The following EYA2 variants were observed in gnomAD, a reference collection of about 807,000 sequenced individuals.
The protein encoded by EYA2 is protein phosphatase EYA2.
EYA2 carries 31 observed loss-of-function variants against 69.2 expected under a neutral mutation model. The observed-to-expected ratio is 0.45, with a 90% confidence interval of 0.34 to 0.60. The LOEUF (loss-of-function observed/expected upper bound fraction) is 0.60, where lower values mean the gene tolerates loss of function less well. Among genes scored for constraint, EYA2 ranks in the 20% least tolerant of loss-of-function variants. EYA2 has a pLI of 0.02. For synonymous variants in EYA2, 257 were observed against 279.4 expected (o/e 0.92, Z 0.80); for missense variants, 622 against 701.2 (o/e 0.89, Z 1.28).
intron 1 of EYA2, among the ~76,000 whole-genome samples, chr20:46,961,044 C>A (rs1475821390): frequency 1.3e-5 from 2 of 152,152 alleles, no homozygotes; most frequent in African/African-American, 4.8e-5. Flanking sequence ...ATCAAAAAGA[C>A]CAAAATAAGG....
rs2032216715 is a variant in EYA2 at position 47,095,346 on chromosome 20, A to G, written c.805-1739A>G. On this transcript the variant is annotated intron_variant, in intron 8 of 15. Coordinates refer to ENST00000327619, the MANE Select transcript of EYA2 (RefSeq NM_005244.5). ...TTATTTACAAGGAAAGGCAGTATCA[A>G]CCCAAAAGGTTTGATTTGACTATTG... Among the ~76,000 whole-genome samples the G allele has an allele frequency of 3.3e-5, 5 of 152,120 alleles. No homozygotes were observed. In the South Asian group the frequency reaches 1.0e-3, roughly 31 times the overall value.
chr20:47,187,866 G>C (rs3818009), intron 15 of EYA2, among the ~76,000 whole-genome samples, 187 bp from the exon 16 acceptor site: 2 of 151,982 alleles, frequency 1.3e-5, no homozygotes, highest in Non-Finnish European at 2.9e-5. Context: ...GAATAGAAAT[G>C]GTTGGCCATA....
At chr20:46,956,356 T>A (rs1042728331) in intron 1 of EYA2, among the ~76,000 whole-genome samples, 3 of 152,230 alleles carry the variant, frequency 2.0e-5, no homozygotes, top group Non-Finnish European at 4.4e-5. Flanking sequence ...TGTCAGCTGC[T>A]GTAACAAATA....
At chr20:47,067,205 GAAAAGAGAAATC>G (rs2031144424) in intron 5 of EYA2, among the ~76,000 whole-genome samples, 1 of 152,154 alleles carries the variant, frequency 6.6e-6, no homozygotes, top group Non-Finnish European at 1.5e-5. Flanking sequence ...TCATGCAAAA[GAAAAGAGAAATC>G]AGAAGAGAAA....
chr20:47,172,028 G>A (rs539706906), intron 11 of EYA2, among the ~76,000 whole-genome samples: 1 of 152,082 alleles, frequency 6.6e-6, no homozygotes, highest in South Asian at 2.1e-4. Flanking sequence ...GAACCTGGGA[G>A]GCAGAGGTTG....
At chr20:47,033,750 C>G (rs1170403760) in intron 5 of EYA2, among the ~76,000 whole-genome samples, 1 of 152,238 alleles carries the variant, frequency 6.6e-6, no homozygotes, top group Non-Finnish European at 1.5e-5. Flanking sequence ...TTGAAGGCTG[C>G]TCCTTTAACT....
intron 5 of EYA2, among the ~76,000 whole-genome samples, chr20:47,053,646 G>A (rs531443266): frequency 7.1e-6 from 1 of 141,282 alleles, no homozygotes; most frequent in South Asian, 2.3e-4. Flanking sequence ...CAGCCTGGGG[G>A]ACAGGAGTGA....
At chr20:47,093,021 A>G (rs1600703709) in intron 8 of EYA2, among the ~76,000 whole-genome samples, 1 of 152,226 alleles carries the variant, frequency 6.6e-6, no homozygotes, top group African/African-American at 2.4e-5. Context: ...TAAGGACAGA[A>G]GTAGAGTAGA....
chr20:47,145,453 G>A (rs1183922677), intron 10 of EYA2, among the ~76,000 whole-genome samples: 2 of 152,234 alleles, frequency 1.3e-5, no homozygotes, highest in Non-Finnish European at 2.9e-5. Flanking sequence ...GGATAGATGA[G>A]CCTGGGGCAG....
chr20:47,173,582 T>TA (rs1675840629), intron 12 of EYA2, among the ~76,000 whole-genome samples: 1 of 150,512 alleles, frequency 6.6e-6, no homozygotes, highest in African/African-American at 2.4e-5. Context: ...GAATCTGCTT[T>TA]AAAAAATTTT....
intron 1 of EYA2, among the ~76,000 whole-genome samples, chr20:46,941,564 G>A (rs1986155045): frequency 6.6e-6 from 1 of 152,158 alleles, no homozygotes; most frequent in Admixed American, 6.5e-5. Flanking sequence ...GTAACAGAGT[G>A]GTTAAAGGCT....
At chr20:47,179,519 T>C (rs2034495746) in intron 12 of EYA2, among the ~76,000 whole-genome samples, 1 of 121,358 alleles carries the variant, frequency 8.2e-6, no homozygotes, top group Non-Finnish European at 1.8e-5. Context: ...GATGGGTGGA[T>C]AGGTGGGTAG....
Position 47,169,124 on chromosome 20 carries a change from T to C in EYA2, c.979-15T>C. Reference sequence around the variant, plus strand: ...TGTTCTCTCTCTCTCTCTCTCTCTGTCAAATTTTCCATAGGATTGTGACCA... The same window carrying C: ...TGTTCTCTCTCTCTCTCTCTCTCTGCCAAATTTTCCATAGGATTGTGACCA... On this transcript the variant is annotated splice_polypyrimidine_tract_variant and intron_variant, in intron 10 of 15. Coordinates refer to ENST00000327619, the MANE Select transcript of EYA2 (RefSeq NM_005244.5). 2 of 1,612,438 alleles carry C rather than the reference T, an allele frequency of 1.2e-6. No individual in the cohort carries two copies. The highest frequency in any genetic ancestry group is 8.5e-7 in the Non-Finnish European group (1 of 1,179,066).
chr20:47,085,814 GT>G (rs1269200846), intron 7 of EYA2, among the ~76,000 whole-genome samples: 1 of 152,166 alleles, frequency 6.6e-6, no homozygotes, highest in African/African-American at 2.4e-5. Flanking sequence ...AAAGAAAGCA[GT>G]TTAGTGGTTT....
At chr20:47,049,154 ATTAAG>A (rs2030193632) in intron 5 of EYA2, among the ~76,000 whole-genome samples, 1 of 149,944 alleles carries the variant, frequency 6.7e-6, no homozygotes, top group Non-Finnish European at 1.5e-5. Flanking sequence ...TCTATTTTAA[ATTAAG>A]TTTAGACTTA....
chr20:47,047,559 G>A (rs1287877025), intron 5 of EYA2, among the ~76,000 whole-genome samples: 1 of 152,080 alleles, frequency 6.6e-6, no homozygotes, highest in African/African-American at 2.4e-5. Context: ...GCTAATTTTT[G>A]TATTTTTAGT....
intron 5 of EYA2, among the ~76,000 whole-genome samples, chr20:47,026,936 T>C (rs1755658006): frequency 6.6e-6 from 1 of 152,248 alleles, no homozygotes; most frequent in Admixed American, 6.5e-5. Context: ...ACACTCTCTT[T>C]GAAACACCTT....
At chr20:47,065,290 C>G (rs1449938629) in intron 5 of EYA2, among the ~76,000 whole-genome samples, 1 of 152,194 alleles carries the variant, frequency 6.6e-6, no homozygotes, top group African/African-American at 2.4e-5. Flanking sequence ...CTCATTCTCA[C>G]TGTCATGAAG....
chr20:47,052,861 C>A (rs928512822), intron 5 of EYA2, among the ~76,000 whole-genome samples: 1 of 152,168 alleles, frequency 6.6e-6, no homozygotes, highest in Non-Finnish European at 1.5e-5. Context: ...TGGCCTCAAG[C>A]AATCCTCCTG....
Sources: gnomAD v4.1 joint callset for allele counts (sites outside exome capture counted in the v4.1 genomes callset) on GRCh38, gnomAD v4.1.1 for gene constraint, MANE v1.5 for transcripts, NCBI Gene and HGNC (gene_info 2026-07-23, HGNC 2026-07-21) for gene names.